GRM8: variants seen among roughly 807,000 people sequenced by gnomAD.
GRM8 encodes the protein metabotropic glutamate receptor 8.
In GRM8, 47 loss-of-function variants were observed where a neutral mutation model predicts 87.2. The observed-to-expected ratio is 0.54, with a 90% confidence interval of 0.43 to 0.69. The LOEUF is 0.69. GRM8 is among the 30% of genes least tolerant of loss of function. The pLI is 0.00. For missense variants in GRM8, 1,019 were observed against 1,139.2 expected (o/e 0.89, Z 1.52); for synonymous variants, 396 against 404.5 (o/e 0.98, Z 0.25).
At chr7:126,878,511 GTCT>G (rs1425985038) in intron 6 of GRM8, among the ~76,000 whole-genome samples, 4 of 149,738 alleles carry the variant, frequency 2.7e-5, no homozygotes, top group South Asian at 2.1e-4. Flanking sequence ...ATATATCGTC[GTCT>G]TCTTCTTTTT....
intron 3 of GRM8, chr7:127,076,125 A>G (rs754249641): frequency 1.1e-5 from 5 of 456,340 alleles, no homozygotes; most frequent in African/African-American, 1.0e-4. Context: ...CGACTAATAG[A>G]CAGTTTGAGC....
At chr7:126,933,315 C>A (rs1378623098) in intron 3 of GRM8, among the ~76,000 whole-genome samples, 3 of 152,154 alleles carry the variant, frequency 2.0e-5, no homozygotes, top group African/African-American at 7.2e-5. Context: ...GCAATGCAGG[C>A]AAATAGTACA....
intron 8 of GRM8, among the ~76,000 whole-genome samples, chr7:126,547,761 C>T (rs1817319932): frequency 6.6e-6 from 1 of 151,638 alleles, no homozygotes; most frequent in African/African-American, 2.4e-5. Flanking sequence ...ATATGAAATT[C>T]TAGATTAAAA....
At chr7:127,160,535 GCACACACACA>G (rs139597501) in intron 2 of GRM8, among the ~76,000 whole-genome samples, 1 of 140,328 alleles carries the variant, frequency 7.1e-6, no homozygotes, top group Non-Finnish European at 1.5e-5. Flanking sequence ...TCACGCGCGC[GCACACACACA>G]CACACACACC....
chr7:126,837,510 C>T (rs1337410895), intron 6 of GRM8, among the ~76,000 whole-genome samples: 1 of 152,168 alleles, frequency 6.6e-6, no homozygotes, highest in Non-Finnish European at 1.5e-5. Flanking sequence ...AGTGGACTTA[C>T]TGTCTAAGTT....
intron 3 of GRM8, among the ~76,000 whole-genome samples, chr7:127,033,571 G>C (rs1429303886): frequency 6.6e-6 from 1 of 152,120 alleles, no homozygotes; most frequent in African/African-American, 2.4e-5. Context: ...AGGTTAAGTA[G>C]TTTGCTCAAA....
At chr7:126,881,125 GA>G (rs770038427) in intron 6 of GRM8, among the ~76,000 whole-genome samples, 1 of 150,168 alleles carries the variant, frequency 6.7e-6, no homozygotes, top group Admixed American at 6.7e-5. Flanking sequence ...CAGGGTCCCA[GA>G]AAAAAAAATA....
At chr7:126,547,470 T>A (rs1279802263) in intron 8 of GRM8, among the ~76,000 whole-genome samples, 1 of 151,880 alleles carries the variant, frequency 6.6e-6, no homozygotes, top group Non-Finnish European at 1.5e-5. Flanking sequence ...ATATATCTGA[T>A]ACATTATCAT....
intron 7 of GRM8, among the ~76,000 whole-genome samples, chr7:126,673,760 C>T (rs1806644883): frequency 1.3e-5 from 2 of 152,120 alleles, no homozygotes; most frequent in Admixed American, 1.3e-4. Context: ...CAAATTCTAA[C>T]ATTTAATAGC....
intron 2 of GRM8, among the ~76,000 whole-genome samples, chr7:127,107,277 A>C (rs1176380200): frequency 6.6e-6 from 1 of 152,222 alleles, no homozygotes; most frequent in East Asian, 1.9e-4. Flanking sequence ...AGAGTGCCAC[A>C]AAAAGATTTG....
chr7:126,769,826 G>T (rs757293116), intron 7 of GRM8, 39 bp downstream of exon 7: 2 of 1,339,434 alleles, frequency 1.5e-6, no homozygotes, highest in Non-Finnish European at 2.1e-6. Flanking sequence ...ACACCCTGTC[G>T]CTTTTAATGT....
intron 9 of GRM8, among the ~76,000 whole-genome samples, chr7:126,472,984 G>A (rs1237587727): frequency 1.3e-5 from 2 of 152,204 alleles, no homozygotes; most frequent in Admixed American, 1.3e-4. Flanking sequence ...AGATTTCAGA[G>A]GATGTTTGGA....
At chr7:126,821,604 C>G (rs1445735277) in intron 6 of GRM8, among the ~76,000 whole-genome samples, 1 of 152,192 alleles carries the variant, frequency 6.6e-6, no homozygotes, top group East Asian at 1.9e-4. Flanking sequence ...CATATTCTTT[C>G]CAGCCATCCC....
chr7:127,138,828 C>G (rs1297220594), intron 2 of GRM8, among the ~76,000 whole-genome samples: 1 of 152,084 alleles, frequency 6.6e-6, no homozygotes, highest in Non-Finnish European at 1.5e-5. Flanking sequence ...CCCTCTCTAT[C>G]TTAAACAAGA....
intron 7 of GRM8, among the ~76,000 whole-genome samples, chr7:126,717,825 G>A (rs903549779): frequency 8.5e-5 from 13 of 152,068 alleles, no homozygotes; most frequent in African/African-American, 9.7e-5. Context: ...CTTAGAAACC[G>A]TGCTAAGAAC....
chr7:127,224,383 T>C (rs547466057), intron 2 of GRM8, among the ~76,000 whole-genome samples: 12 of 152,284 alleles, frequency 7.9e-5, no homozygotes, highest in African/African-American at 2.9e-4. Flanking sequence ...AGGAGGCCAG[T>C]AGGAAGCAGT....
At chr7:126,652,988 C>A (rs1804084479) in intron 7 of GRM8, among the ~76,000 whole-genome samples, 1 of 151,882 alleles carries the variant, frequency 6.6e-6, no homozygotes, top group East Asian at 1.9e-4. Context: ...CTGACCTCAT[C>A]ACAATAAAAT....
In GRM8 at chr7:126,446,153, C is replaced by G; in HGVS notation, c.2650G>C (p.Glu884Gln). ...NDRPNGEVKS[E>Q]LCESLETNTS... ...TTGGTTTCAAGACTCTCACAGAGTT[C>G]ACTTTTCACCTCGCCATTTGGTCTG... The change falls in exon 10 of 11, where the codon GAA becomes CAA. Residue 884 changes from glutamate to glutamine, a missense_variant. Transcript: ENST00000339582. 1 of 1,612,836 alleles carries G rather than the reference C, an allele frequency of 6.2e-7. No individual in the cohort carries two copies. The highest frequency in any genetic ancestry group is 8.5e-7 in the Non-Finnish European group (1 of 1,179,142).
chr7:127,221,799 T>C (rs1412134342), intron 2 of GRM8, among the ~76,000 whole-genome samples: 1 of 152,002 alleles, frequency 6.6e-6, no homozygotes, highest in East Asian at 1.9e-4. Context: ...CCAGAGCCCA[T>C]CAACATTCAA....
Sources: gnomAD v4.1 joint callset for allele counts (sites outside exome capture counted in the v4.1 genomes callset) on GRCh38, gnomAD v4.1.1 for gene constraint, MANE v1.5 for transcripts, NCBI Gene and HGNC (gene_info 2026-07-23, HGNC 2026-07-21) for gene names.